Variants in ADAMTS12 observed in about 807,000 individuals in gnomAD.
The protein encoded by ADAMTS12 is A disintegrin and metalloproteinase with thrombospondin motifs 12.
Under a neutral mutation model 167.8 loss-of-function variants are expected in ADAMTS12, and 118 were observed. The ratio of observed to expected loss-of-function variants is 0.70; its 90% CI spans 0.61 to 0.82. The LOEUF is 0.82. ADAMTS12 is among the 40% of genes least tolerant of loss of function. The pLI is 0.00. For synonymous variants in ADAMTS12, 704 were observed against 716.9 expected, an observed-to-expected ratio of 0.98 and a Z score of 0.29; for missense variants, 1,916 against 1,998.8, an observed-to-expected ratio of 0.96 and a Z score of 0.79.
chr5:33,790,621 C>A (rs1746497130), intron 2 of ADAMTS12, among the ~76,000 whole-genome samples: 1 of 150,454 alleles, frequency 6.6e-6, no homozygotes, highest in Non-Finnish European at 1.5e-5. Context: ...GTTGCTTTCT[C>A]CTTTAACCTT....
intron 1 of ADAMTS12, among the ~76,000 whole-genome samples, chr5:33,885,812 A>G (rs1750615718): frequency 6.6e-6 from 1 of 152,202 alleles, no homozygotes; most frequent in Non-Finnish European, 1.5e-5. Flanking sequence ...GGCAATAGGA[A>G]AGCAAAATGA....
rs570059946 is a variant in ADAMTS12 at position 33,741,715 on chromosome 5, C to T, written c.634+9689G>A. Among the ~76,000 whole-genome samples, 9 of 152,254 alleles carry T rather than the reference C, an allele frequency of 5.9e-5. No individual in the cohort carries two copies. In the South Asian group the frequency reaches 1.9e-3, roughly 32 times the overall value. On this transcript the variant is annotated intron_variant, in intron 3 of 23. Coordinates refer to ENST00000504830, the MANE Select transcript of ADAMTS12 (RefSeq NM_030955.4). ...CGATCTCAGCTCACTGCAACCTCCG[C>T]CTCCCGGGTTCAAGCGATTCTCCTG...
At chr5:33,618,301 CT>C (rs1247693987) in intron 14 of ADAMTS12, among the ~76,000 whole-genome samples, 1 of 152,142 alleles carries the variant, frequency 6.6e-6, no homozygotes, top group African/African-American at 2.4e-5. Context: ...TGATTTTTCT[CT>C]CAGGTAGAAG....
chr5:33,686,932 T>G (rs1156581403), intron 3 of ADAMTS12, among the ~76,000 whole-genome samples: 4 of 129,762 alleles, frequency 3.1e-5, no homozygotes, highest in Non-Finnish European at 4.8e-5. Flanking sequence ...AATATATATA[T>G]ATATAGAGAG....
At chr5:33,626,235 G>T (rs901152740) in intron 13 of ADAMTS12, among the ~76,000 whole-genome samples, 8 of 151,436 alleles carry the variant, frequency 5.3e-5, no homozygotes, top group Non-Finnish European at 1.0e-4. Flanking sequence ...CGATGGTGAT[G>T]GACAATAATG....
chr5:33,766,005 ACTT>A (rs1355224760), intron 2 of ADAMTS12, among the ~76,000 whole-genome samples: 2 of 152,140 alleles, frequency 1.3e-5, no homozygotes, highest in African/African-American at 4.8e-5. Flanking sequence ...TTCTGCCTAT[ACTT>A]CTTAAGTCTG....
chr5:33,546,804 AC>A (rs1745006151), intron 21 of ADAMTS12, among the ~76,000 whole-genome samples: 1 of 152,242 alleles, frequency 6.6e-6, no homozygotes, highest in Non-Finnish European at 1.5e-5. Flanking sequence ...CATTTGCATG[AC>A]TTTTTAAGGA....
chr5:33,741,511 G>A (rs1744584426), intron 3 of ADAMTS12, among the ~76,000 whole-genome samples: 1 of 152,138 alleles, frequency 6.6e-6, no homozygotes, highest in Non-Finnish European at 1.5e-5. Flanking sequence ...GAGGTCCTGG[G>A]GGTCAGGGCT....
At chr5:33,552,609 G>T (rs1745298422) in intron 20 of ADAMTS12, among the ~76,000 whole-genome samples, 1 of 152,134 alleles carries the variant, frequency 6.6e-6, no homozygotes, top group Non-Finnish European at 1.5e-5. Flanking sequence ...AATATGGAAA[G>T]AATTCCTTTC....
At chr5:33,535,599 C>T (rs1443019709) in intron 22 of ADAMTS12, among the ~76,000 whole-genome samples, 1 of 152,164 alleles carries the variant, frequency 6.6e-6, no homozygotes, top group Non-Finnish European at 1.5e-5. Flanking sequence ...ACCCTTGGTT[C>T]TAGCTAAGAC....
Position 33,526,550 on chromosome 5 carries a change from T to C in ADAMTS12, c.*638A>G, listed in dbSNP as rs1002246343. ...TTATGCCTGTTTCCTCTTAGTCTAG[T>C]GTCCCAAGGTTGGCAGGAGACTCTA... On this transcript the variant is annotated 3_prime_UTR_variant, in exon 24 of 24. Transcript: ENST00000504830. 2 of 152,238 alleles carry C rather than the reference T, an allele frequency of 1.3e-5. No homozygotes were observed. The highest frequency in any genetic ancestry group is 2.4e-5 in the African/African-American group (1 of 41,448). The allele number at this position is 152,238 out of a possible 1,614,324, so 9.4% of individuals were successfully genotyped here.
rs1746780209 is a variant in ADAMTS12 at position 33,577,068 on chromosome 5, G to A, written c.2958C>T (p.Asn986=). 6.2e-7 allele frequency: 1 copy of A among 1,614,086 alleles called. No homozygotes were observed. Among genetic ancestry groups the A allele is most frequent in the Non-Finnish European group, 8.5e-7 (1 of 1,180,042 alleles). Residue 986 remains asparagine (N), a synonymous_variant, in exon 19 of 24, where the codon AAC becomes AAT. Transcript: ENST00000504830. ...DEPCDVTRKP[N]SRALCGLQQC... ...GCTGGAGGCCACACAGAGCTCGGCT[G>A]TTGGGTTTCCTTGTCACATCGCAAG...
intron 18 of ADAMTS12, among the ~76,000 whole-genome samples, chr5:33,585,140 C>A (rs1197494893): frequency 6.6e-6 from 1 of 152,058 alleles, no homozygotes; most frequent in African/African-American, 2.4e-5. Context: ...CCATTGGAGC[C>A]ATGATTAAAA....
At chr5:33,840,172 C>T (rs1400849390) in intron 2 of ADAMTS12, 1 of 152,208 alleles carries the variant, frequency 6.6e-6, no homozygotes. Context: ...TTTACAAAAG[C>T]AGGGTGATCT....
At chr5:33,809,983 G>GAAAAA (rs202032209) in intron 2 of ADAMTS12, among the ~76,000 whole-genome samples, 3 of 118,094 alleles carry the variant, frequency 2.5e-5, no homozygotes, top group East Asian at 2.3e-4. Flanking sequence ...AAGTTTAACA[G>GAAAAA]AAAAAAAAAA....
chr5:33,810,338 T>C (rs955611059), intron 2 of ADAMTS12, among the ~76,000 whole-genome samples: 8 of 152,202 alleles, frequency 5.3e-5, no homozygotes, highest in African/African-American at 1.9e-4. Flanking sequence ...CATAACCAAA[T>C]GTGGGGCAAG....
At chr5:33,817,180 T>G (rs1747692710) in intron 2 of ADAMTS12, among the ~76,000 whole-genome samples, 2 of 152,300 alleles carry the variant, frequency 1.3e-5, no homozygotes, top group East Asian at 3.9e-4. Context: ...GGTACAATGT[T>G]GGATAAACAA....
intron 3 of ADAMTS12, among the ~76,000 whole-genome samples, chr5:33,738,771 G>T (rs1485698488): frequency 6.6e-6 from 1 of 152,248 alleles, no homozygotes; most frequent in Non-Finnish European, 1.5e-5. Flanking sequence ...CTATTAGGAA[G>T]GAGCTGAAGA....
At chr5:33,832,848 G>A (rs1472947287) in intron 2 of ADAMTS12, among the ~76,000 whole-genome samples, 1 of 152,158 alleles carries the variant, frequency 6.6e-6, no homozygotes, top group Non-Finnish European at 1.5e-5. Flanking sequence ...GACAGCCGTG[G>A]GAGGTAGAAA....
Sources: allele counts gnomAD v4.1 joint callset (sites outside exome capture counted in the v4.1 genomes callset), GRCh38; gene constraint gnomAD v4.1.1; transcripts MANE v1.5; gene names NCBI Gene and HGNC (gene_info 2026-07-23, HGNC 2026-07-21).